The following PAX8 variants were observed in gnomAD, a reference collection of about 807,000 sequenced individuals.
PAX8 encodes the protein paired box 8, also known as paired box protein Pax-8.
A neutral mutation model predicts 52.4 loss-of-function variants in PAX8; 15 were observed. That is an observed-to-expected ratio of 0.29 (90% CI 0.19 to 0.44). The LOEUF is 0.44. Ranked by LOEUF, PAX8 falls within the 20% of genes least tolerant of loss-of-function variation. The pLI is 1.00. For synonymous variants in PAX8, 284 were observed against 249.7 expected, an observed-to-expected ratio of 1.14 and a Z score of -1.29; for missense variants, 554 against 602.5, an observed-to-expected ratio of 0.92 and a Z score of 0.84.
chr2:113,269,793 C>T (rs1483502526), intron 2 of PAX8: 1 of 152,128 alleles, frequency 6.6e-6, no homozygotes, highest in Non-Finnish European at 1.5e-5. Context: ...AAAACAAGTA[C>T]CCCAGGCAAG....
chr2:113,278,719 T>C, intron 1 of PAX8, 112 bp downstream of exon 1: 1 of 604,946 alleles, frequency 1.7e-6, no homozygotes, highest in South Asian at 3.7e-5. Flanking sequence ...CCCAGTCTTA[T>C]CCCGTTTAAC....
In PAX8 at chr2:113,242,727, G is replaced by A. The variant is rs540878126; in HGVS notation, c.441C>T (p.Cys147=). 87 of 1,613,760 alleles carry A rather than the reference G, an allele frequency of 5.4e-5. No individual in the cohort carries two copies. The highest frequency in any genetic ancestry group is 1.1e-4 in the African/African-American group (8 of 74,878). The part of the protein sequence containing the change: ...QQPFNLPMDS[C]VATKSLSPGH... Reference sequence around the variant, plus strand: ...CGGGACTCAGGGACTTGGTGGCCACGCAGCTGTCCATAGGGAGGTTGAATG... The same window carrying A: ...CGGGACTCAGGGACTTGGTGGCCACACAGCTGTCCATAGGGAGGTTGAATG... Residue 147 remains cysteine, a synonymous_variant, in exon 5 of 12, where the codon TGC becomes TGT. Transcript: ENST00000429538.
intron 2 of PAX8, among the ~76,000 whole-genome samples, chr2:113,262,369 G>A (rs1309438679): frequency 3.9e-5 from 6 of 152,102 alleles, no homozygotes; most frequent in Non-Finnish European, 8.8e-5. Context: ...TTCTGGCTTG[G>A]GAGGGGGAGT....
chr2:113,273,080 A>T (rs1693575184), intron 2 of PAX8: 2 of 152,322 alleles, frequency 1.3e-5, no homozygotes, highest in South Asian at 4.1e-4. Flanking sequence ...AAAGCTTCTC[A>T]GCTCAACGGA....
Position 113,246,725 on chromosome 2 carries a change from A to G in PAX8, c.191+29T>C. The G allele has an allele frequency of 2.5e-6, 4 of 1,607,444 alleles. No homozygotes were observed. The South Asian group carries it at 4.4e-5, about 18-fold the overall frequency. ...CTGGAGAAGTCAAGCCCTGCGGGGA[A>G]GGCGGCCTGCGGTGAATTTCGTGCT... On this transcript the variant is annotated intron_variant, in intron 3 of 11. Transcript: ENST00000429538.
At chr2:113,224,615 C>T (rs186662718) in intron 10 of PAX8, among the ~76,000 whole-genome samples, 23 of 146,898 alleles carry the variant, frequency 1.6e-4, no homozygotes, top group South Asian at 1.5e-3. Flanking sequence ...TGGAGGATGA[C>T]GGGATGGATG....
At chr2:113,240,037 A>C (rs1287492466) in intron 7 of PAX8, 2 of 152,262 alleles carry the variant, frequency 1.3e-5, no homozygotes, top group African/African-American at 2.4e-5. Context: ...GGATGGAGCC[A>C]GGAAATGGCT....
At chr2:113,253,928 A>G (rs572770715) in intron 2 of PAX8, among the ~76,000 whole-genome samples, 2 of 152,296 alleles carry the variant, frequency 1.3e-5, no homozygotes, top group Non-Finnish European at 2.9e-5. Flanking sequence ...CATTTTTTGC[A>G]TAACTATATA....
intron 2 of PAX8, among the ~76,000 whole-genome samples, chr2:113,264,603 G>A (rs974850303): frequency 6.6e-6 from 1 of 152,178 alleles, no homozygotes; most frequent in Non-Finnish European, 1.5e-5. Context: ...TAAGGTGCTG[G>A]GGATAGAGAG....
chr2:113,244,737 T>A, intron 3 of PAX8, 113 bp from the exon 4 acceptor site: 2 of 953,440 alleles, frequency 2.1e-6, no homozygotes, highest in Non-Finnish European at 1.7e-6. Flanking sequence ...GGTATGAGAG[T>A]GAAATGTGCC....
intron 10 of PAX8, among the ~76,000 whole-genome samples, chr2:113,222,403 A>G (rs548726613): frequency 3.3e-4 from 50 of 152,280 alleles, no homozygotes; most frequent in African/African-American, 1.2e-3. Flanking sequence ...GTATTTAACT[A>G]CCATTTACCG....
rs117381841 is a variant in PAX8, at chr2:113,257,886, C to T, written c.26-10967G>A. Among the ~76,000 whole-genome samples, 31 of 152,244 alleles carry T rather than the reference C, an allele frequency of 2.0e-4. No homozygotes were observed. The East Asian group carries it at 5.4e-3, about 27-fold the overall frequency. On this transcript the variant is annotated intron_variant, in intron 2 of 11. Transcript: ENST00000429538. Reference sequence around the variant, plus strand: ...TAATAACCCTTTGAGAAATGAAGTACATTATCATTTTATTGATGAGAAGAT... The same window carrying T: ...TAATAACCCTTTGAGAAATGAAGTATATTATCATTTTATTGATGAGAAGAT...
intron 2 of PAX8, chr2:113,265,374 TG>T (rs1285469444): frequency 6.6e-6 from 1 of 152,248 alleles, no homozygotes; most frequent in Non-Finnish European, 1.5e-5. Flanking sequence ...CCAGACGTTC[TG>T]ATGGCACATT....
At chr2:113,275,707 G>A (rs1408441701) in intron 2 of PAX8, 3 of 152,074 alleles carry the variant, frequency 2.0e-5, no homozygotes, top group African/African-American at 7.2e-5. Flanking sequence ...GGCATTTATC[G>A]TTTCTTCTGC....
At position 113,235,455 on chromosome 2, in the gene PAX8, G is replaced by C; in HGVS notation, c.1026C>G (p.Phe342Leu). ...CGGAGGCAGCATGGGGAAAGGCATT[G>C]AAGGGCGGGACCCCGGAGCCGACTT... ...LQQVGSGVPP[F>L]NAFPHAASVY... Residue 342 changes from phenylalanine (F) to leucine (L), a missense_variant, in exon 9 of 12, where the codon TTC becomes TTG. Coordinates refer to ENST00000429538, the MANE Select transcript of PAX8 (RefSeq NM_003466.4). 1 of 1,611,318 alleles carries C rather than the reference G, an allele frequency of 6.2e-7. No individual in the cohort carries two copies. The highest frequency in any genetic ancestry group is 8.5e-7 in the Non-Finnish European group (1 of 1,178,692).
intron 2 of PAX8, among the ~76,000 whole-genome samples, chr2:113,247,972 A>C (rs1691462238): frequency 6.6e-6 from 1 of 152,202 alleles, no homozygotes; most frequent in African/African-American, 2.4e-5. Flanking sequence ...GAAACACAGA[A>C]GGGTTCCTGA....
In PAX8 at chr2:113,273,786, A is replaced by G. The variant is rs901248507; in HGVS notation, c.25+4584T>C. 4.6e-5 allele frequency: 7 copies of G among 151,890 alleles called. No homozygotes were observed. The South Asian group carries it at 8.3e-4, about 18-fold the overall frequency. The allele number at this position is 151,890 out of a possible 1,614,324, so 9.4% of individuals were successfully genotyped here. A position where few individuals can be genotyped will look rare whatever the true frequency, so the allele number is the denominator to read the frequency against. ...TTGCTGATTTTTTTTTGCATTATTT[A>G]TATACTCTTTCAATTTCACTAATAG... On this transcript the variant is annotated intron_variant, in intron 2 of 11. Transcript: ENST00000429538.
At chr2:113,256,649 TG>T (rs1692283059) in intron 2 of PAX8, among the ~76,000 whole-genome samples, 8 of 134,482 alleles carry the variant, frequency 5.9e-5, no homozygotes, top group Admixed American at 5.8e-4. Flanking sequence ...TGTGTGTGTG[TG>T]TGTGTATATA....
At position 113,216,258 on chromosome 2, in the gene PAX8, G is replaced by A. The variant is rs931473461; in HGVS notation, c.*2275C>T. ...AAGTTCTGCCATTGAAAAACCAGCC[G>A]CATCTCAGATCCCTTCAGAAGAGAT... is the stretch of plus-strand genomic sequence containing the variant. On this transcript the variant is annotated 3_prime_UTR_variant, in exon 12 of 12. Transcript: ENST00000429538. The A allele has an allele frequency of 3.5e-5, 8 of 230,758 alleles. No homozygotes were observed. Among genetic ancestry groups the A allele is most frequent in the East Asian group, 1.2e-4 (2 of 16,304 alleles). The allele number at this position is 230,758 out of a possible 1,614,324, so 14.3% of individuals were successfully genotyped here.
Sources: allele counts gnomAD v4.1 joint callset (sites outside exome capture counted in the v4.1 genomes callset), GRCh38; gene constraint gnomAD v4.1.1; transcripts MANE v1.5; gene names NCBI Gene and HGNC (gene_info 2026-07-23, HGNC 2026-07-21).